The following AKAP14 variants were observed in gnomAD, a reference collection of about 807,000 sequenced individuals.
AKAP14 encodes A-kinase anchor protein 14.
AKAP14 carries 4 observed loss-of-function variants against 17.0 expected under a neutral mutation model. The ratio of observed to expected loss-of-function variants is 0.23; its 90% CI spans 0.12 to 0.54. The LOEUF is 0.54. Ranked by LOEUF, AKAP14 falls within the 20% of genes least tolerant of loss-of-function variation. The probability of loss-of-function intolerance (pLI) is 0.95; values close to 1 mark genes in which losing one functional copy is unlikely to be tolerated. For missense variants in AKAP14, 129 were observed against 150.9 expected (o/e 0.85, Z 0.76); for synonymous variants, 42 against 51.3 (o/e 0.82, Z 0.77).
At chrX:119,913,151 T>TAAATAAATAAATAAATAAATAAAA (rs1569469975) in intron 4 of AKAP14, among the ~76,000 whole-genome samples, 1 of 69,641 alleles carries the variant, frequency 1.4e-5, no homozygotes, top group East Asian at 3.7e-4. Flanking sequence ...AATAAATAAA[T>TAAATAAATAAATAAATAAATAAAA]AAAATAAAAT....
At chrX:119,915,954 C>CTGAA (rs898003219) in intron 5 of AKAP14, among the ~76,000 whole-genome samples, 1 of 110,819 alleles carries the variant, frequency 9.0e-6, no homozygotes, top group African/African-American at 3.3e-5. Flanking sequence ...TGCAGGCAGC[C>CTGAA]TGAATGAGTC....
At chrX:119,905,655 G>T (rs1226220868) in intron 4 of AKAP14, among the ~76,000 whole-genome samples, 2 of 110,455 alleles carry the variant, frequency 1.8e-5, no homozygotes, top group Non-Finnish European at 3.8e-5. Flanking sequence ...GCCGTTCCTC[G>T]ACTGCCAGGC....
intron 2 of AKAP14, among the ~76,000 whole-genome samples, chrX:119,898,078 G>A (rs1214866567): frequency 2.7e-5 from 3 of 111,949 alleles, no homozygotes; most frequent in South Asian, 3.7e-4. Flanking sequence ...CAGGAGAATT[G>A]CTTGAACCCA....
At chrX:119,916,260 A>G (rs1434661260) in intron 5 of AKAP14, among the ~76,000 whole-genome samples, 1 of 109,586 alleles carries the variant, frequency 9.1e-6, no homozygotes, top group Admixed American at 9.9e-5. Context: ...AGGCCTTGAC[A>G]TCCCAGGCTC....
chrX:119,917,229 G>C (rs2056664584), intron 5 of AKAP14, among the ~76,000 whole-genome samples: 1 of 111,748 alleles, frequency 8.9e-6, no homozygotes, highest in African/African-American at 3.2e-5. Flanking sequence ...TGTAATCCCA[G>C]CACTTTGGGA....
intron 2 of AKAP14, among the ~76,000 whole-genome samples, chrX:119,897,269 C>T (rs757384229): frequency 1.9e-4 from 21 of 110,294 alleles, no homozygotes; most frequent in African/African-American, 6.9e-4. Context: ...ATGCCATTCT[C>T]CTGCCTCAGA....
intron 2 of AKAP14, among the ~76,000 whole-genome samples, chrX:119,897,326 AT>A (rs1281597070): frequency 2.8e-5 from 3 of 108,065 alleles, no homozygotes; most frequent in Non-Finnish European, 5.7e-5. Flanking sequence ...CGGCTGGCTA[AT>A]TTTTTGTATT....
intron 6 of AKAP14, 97 bp downstream of exon 6, chrX:119,920,060 T>C: frequency 9.9e-6 from 9 of 907,664 alleles, no homozygotes; most frequent in Non-Finnish European, 1.3e-5. Context: ...GTTCATGTAA[T>C]GGTCACTTTT....
At chrX:119,907,969 C>T (rs914373392) in intron 4 of AKAP14, among the ~76,000 whole-genome samples, 2 of 111,596 alleles carry the variant, frequency 1.8e-5, no homozygotes, top group Admixed American at 9.6e-5. Flanking sequence ...AATGTGAATA[C>T]GAATAATTAA....
At chrX:119,902,467 TC>T (rs901652013) in intron 2 of AKAP14, among the ~76,000 whole-genome samples, 2 of 110,281 alleles carry the variant, frequency 1.8e-5, no homozygotes, top group African/African-American at 6.6e-5. Flanking sequence ...CCTCAAACTG[TC>T]CCCCTGCTTC....
chrX:119,901,976 G>C (rs755230940), intron 2 of AKAP14, among the ~76,000 whole-genome samples: 2 of 110,578 alleles, frequency 1.8e-5, no homozygotes, highest in Non-Finnish European at 1.9e-5. Flanking sequence ...CCGAGATAGC[G>C]CCATTGCTCT....
At chrX:119,896,453 A>G (rs868195555) in intron 2 of AKAP14, among the ~76,000 whole-genome samples, 186 bp downstream of exon 2, 45 of 5,411 alleles carry the variant, frequency 8.3e-3, no homozygotes, top group African/African-American at 0.014. Flanking sequence ...AGGGAGAGGG[A>G]GGGGGAGGGG....
chrX:119,913,544 G>A (rs2056640048), intron 4 of AKAP14, among the ~76,000 whole-genome samples: 1 of 112,605 alleles, frequency 8.9e-6, no homozygotes, highest in African/African-American at 3.2e-5. Flanking sequence ...GGGAGGCCAA[G>A]GCAGGTGGAA....
At chrX:119,897,191 A>G (rs1480927094) in intron 2 of AKAP14, among the ~76,000 whole-genome samples, 2 of 102,223 alleles carry the variant, frequency 2.0e-5, no homozygotes, top group Non-Finnish European at 2.0e-5. Flanking sequence ...GTGGAGTTGC[A>G]CTCTGTTGCC....
At chrX:119,899,050 C>T (rs2056548401) in intron 2 of AKAP14, among the ~76,000 whole-genome samples, 1 of 106,895 alleles carries the variant, frequency 9.4e-6, no homozygotes, top group African/African-American at 3.4e-5. Context: ...GCCTGTAATC[C>T]CAGCTACTCG....
At chrX:119,919,505 A>T (rs183566734) in intron 5 of AKAP14, among the ~76,000 whole-genome samples, 12 of 112,613 alleles carry the variant, frequency 1.1e-4, no homozygotes, top group African/African-American at 3.5e-4. Flanking sequence ...AATTCTAGAA[A>T]TTCAAAAGTA....
At chrX:119,915,694 T>C (rs968265015) in intron 5 of AKAP14, among the ~76,000 whole-genome samples, 15 of 111,668 alleles carry the variant, frequency 1.3e-4, no homozygotes, top group African/African-American at 4.5e-4. Context: ...TTAGTAGAGA[T>C]GGGGTTTCAC....
chrX:119,917,378 C>T (rs2056665368), intron 5 of AKAP14, among the ~76,000 whole-genome samples: 1 of 110,801 alleles, frequency 9.0e-6, no homozygotes. Flanking sequence ...CTTTGGGAGG[C>T]CAAGGCAGGC....
chrX:119,897,405 C>T (rs901889921), intron 2 of AKAP14, among the ~76,000 whole-genome samples: 1 of 110,585 alleles, frequency 9.0e-6, no homozygotes, highest in South Asian at 3.8e-4. Context: ...GTGATCCGCC[C>T]GCCTTGGCCT....
Sources: allele counts gnomAD v4.1 joint callset (sites outside exome capture counted in the v4.1 genomes callset), GRCh38; gene constraint gnomAD v4.1.1; transcripts MANE v1.5; gene names NCBI Gene and HGNC (gene_info 2026-07-23, HGNC 2026-07-21).